PTCSC3: variants seen among roughly 807,000 people sequenced by gnomAD.
PTCSC3 encodes the protein papillary thyroid carcinoma susceptibility candidate 3 (non-protein coding).
chr14:36,137,807 A>G (rs947017677), intron 3 of PTCSC3, among the ~76,000 whole-genome samples: 3 of 152,218 alleles, frequency 2.0e-5, no homozygotes, highest in Non-Finnish European at 4.4e-5. Flanking sequence ...ATTAATACTT[A>G]TATCTTAATA....
chr14:36,162,956 GGAT>G (rs1312799222), intron 1 of PTCSC3, among the ~76,000 whole-genome samples: 1 of 152,090 alleles, frequency 6.6e-6, no homozygotes, highest in Non-Finnish European at 1.5e-5. Flanking sequence ...AAACAAAAAT[GGAT>G]GGTAGTCTTT....
chr14:36,173,885 A>G (rs1473084220), intron 1 of PTCSC3, among the ~76,000 whole-genome samples: 3 of 152,130 alleles, frequency 2.0e-5, no homozygotes, highest in African/African-American at 7.2e-5. Context: ...TTTTTCTTTC[A>G]GTACTTTAAG....
chr14:36,148,316 C>G (rs558225350), intron 3 of PTCSC3, among the ~76,000 whole-genome samples: 97 of 152,292 alleles, frequency 6.4e-4, no homozygotes, highest in African/African-American at 2.3e-3. Flanking sequence ...ATCAGCGAGA[C>G]TCCATAGGCA....
intron 2 of PTCSC3, among the ~76,000 whole-genome samples, chr14:36,156,919 G>T (rs1334507460): frequency 1.3e-5 from 2 of 152,100 alleles, no homozygotes; most frequent in Non-Finnish European, 2.9e-5. Context: ...AATCCTTTGG[G>T]TATAAACCCA....
chr14:36,138,238 C>T (rs1461305818), intron 3 of PTCSC3, among the ~76,000 whole-genome samples: 1 of 152,094 alleles, frequency 6.6e-6, no homozygotes, highest in Non-Finnish European at 1.5e-5. Context: ...CAAAATAGAC[C>T]TAAGCATCAG....
chr14:36,158,289 T>G (rs973834840), intron 2 of PTCSC3, among the ~76,000 whole-genome samples: 11 of 152,224 alleles, frequency 7.2e-5, no homozygotes, highest in African/African-American at 2.7e-4. Context: ...TCCAATATTA[T>G]GTTGACTAGG....
intron 2 of PTCSC3, among the ~76,000 whole-genome samples, chr14:36,161,271 G>A (rs1881950427): frequency 6.6e-6 from 1 of 152,114 alleles, no homozygotes; most frequent in South Asian, 2.1e-4. Context: ...TGCTGGCGAG[G>A]AGTTGTGATC....
intron 3 of PTCSC3, among the ~76,000 whole-genome samples, chr14:36,151,108 G>T (rs751755549): frequency 6.6e-6 from 1 of 151,950 alleles, no homozygotes; most frequent in Admixed American, 6.6e-5. Flanking sequence ...GTATGAAAAA[G>T]CCTTTATAAT....
chr14:36,142,179 A>G (rs1881438429), intron 3 of PTCSC3, among the ~76,000 whole-genome samples: 1 of 152,216 alleles, frequency 6.6e-6, no homozygotes, highest in African/African-American at 2.4e-5. Context: ...ATTCCTTATC[A>G]AGCTGAAAAA....
At chr14:36,155,082 C>G (rs927764054) in intron 2 of PTCSC3, among the ~76,000 whole-genome samples, 2 of 151,980 alleles carry the variant, frequency 1.3e-5, no homozygotes, top group African/African-American at 4.8e-5. Context: ...AGGAAAAAGG[C>G]ACAACTTCTT....
intron 3 of PTCSC3, among the ~76,000 whole-genome samples, chr14:36,137,324 G>A (rs545013460): frequency 1.3e-5 from 2 of 152,246 alleles, no homozygotes; most frequent in African/African-American, 2.4e-5. Context: ...ATATGAGATC[G>A]TAGAGATATC....
At chr14:36,172,931 C>CGTTT (rs1882215363) in intron 1 of PTCSC3, among the ~76,000 whole-genome samples, 2 of 151,378 alleles carry the variant, frequency 1.3e-5, no homozygotes, top group African/African-American at 4.9e-5. Flanking sequence ...AACATAAAAA[C>CGTTT]TTAAAACTTG....
chr14:36,171,010 T>C (rs1882182936), intron 1 of PTCSC3, among the ~76,000 whole-genome samples: 1 of 152,204 alleles, frequency 6.6e-6, no homozygotes, highest in Non-Finnish European at 1.5e-5. Flanking sequence ...ATTTTTGTAG[T>C]ACTTGTATTT....
intron 3 of PTCSC3, among the ~76,000 whole-genome samples, chr14:36,151,371 T>A (rs1320277722): frequency 6.6e-6 from 1 of 152,150 alleles, no homozygotes; most frequent in Non-Finnish European, 1.5e-5. Flanking sequence ...ATTTTGGGTA[T>A]TCGTTCCCTT....
chr14:36,152,415 T>A (rs1428059607), intron 3 of PTCSC3, among the ~76,000 whole-genome samples: 1 of 152,098 alleles, frequency 6.6e-6, no homozygotes, highest in Non-Finnish European at 1.5e-5. Flanking sequence ...CAATTGCACT[T>A]GTGAATAGCC....
chr14:36,169,275 G>T (rs1882151754), intron 1 of PTCSC3, among the ~76,000 whole-genome samples: 1 of 151,968 alleles, frequency 6.6e-6, no homozygotes, highest in Admixed American at 6.6e-5. Context: ...GTAATATTAA[G>T]AATAGCTCTC....
At chr14:36,166,087 G>C (rs1882079457) in intron 1 of PTCSC3, among the ~76,000 whole-genome samples, 1 of 152,152 alleles carries the variant, frequency 6.6e-6, no homozygotes, top group African/African-American at 2.4e-5. Flanking sequence ...CAGTCAGCCA[G>C]GATTAATGAT....
intron 1 of PTCSC3, among the ~76,000 whole-genome samples, chr14:36,168,386 TA>T (rs1566511409): frequency 5.9e-5 from 8 of 135,280 alleles, no homozygotes; most frequent in Non-Finnish European, 1.2e-4. Flanking sequence ...TATATATATA[TA>T]TATATATATA....
chr14:36,156,108 T>C (rs1881819785), intron 2 of PTCSC3, among the ~76,000 whole-genome samples: 1 of 152,216 alleles, frequency 6.6e-6, no homozygotes, highest in African/African-American at 2.4e-5. Context: ...CTAGCTTTTG[T>C]GAAGATTATA....
Sources: allele counts gnomAD v4.1 joint callset (sites outside exome capture counted in the v4.1 genomes callset), GRCh38; gene constraint gnomAD v4.1.1; transcripts MANE v1.5; gene names NCBI Gene and HGNC (gene_info 2026-07-23, HGNC 2026-07-21).